Variants in GRAMD2A observed in about 807,000 individuals in gnomAD.
GRAMD2A encodes GRAM domain-containing protein 2A.
A neutral mutation model predicts 51.1 loss-of-function variants in GRAMD2A; 37 were observed. The observed-to-expected ratio is 0.72, with a 90% CI of 0.56 to 0.95. GRAMD2A has a LOEUF of 0.95. Among genes scored for constraint, GRAMD2A ranks in the 40% least tolerant of loss-of-function variants. The pLI is 0.00. For missense variants in GRAMD2A, 414 were observed against 426.9 expected, an observed-to-expected ratio of 0.97 and a Z score of 0.27; for synonymous variants, 136 against 157.1, an observed-to-expected ratio of 0.87 and a Z score of 1.01.
chr15:72,172,157 C>T (rs929974402), intron 1 of GRAMD2A, among the ~76,000 whole-genome samples: 6 of 151,794 alleles, frequency 4.0e-5, no homozygotes, highest in African/African-American at 1.2e-4. Context: ...TTCACTCTGT[C>T]GCCCAGGCTA....
At chr15:72,197,631 G>A (rs1213735158) in intron 1 of GRAMD2A, 100 bp downstream of exon 1, 8 of 996,538 alleles carry the variant, frequency 8.0e-6, no homozygotes, top group Non-Finnish European at 8.9e-6. Flanking sequence ...AACGCGCCGA[G>A]TTGCCGCGGC....
intron 1 of GRAMD2A, among the ~76,000 whole-genome samples, chr15:72,182,687 A>G (rs985886016): frequency 6.6e-6 from 1 of 152,194 alleles, no homozygotes; most frequent in Non-Finnish European, 1.5e-5. Flanking sequence ...GTGAAATAAG[A>G]CAGTCACAAA....
chr15:72,183,888 C>T lies in GRAMD2A; in HGVS notation c.41+13843G>A, dbSNP rs80028790. On this transcript the variant is annotated intron_variant, in intron 1 of 11. Coordinates refer to ENST00000309731, the MANE Select transcript of GRAMD2A (RefSeq NM_001012642.3). ...GGTGCAGTAGTGGGGTCTGCTCCTC[C>T]TCCTTTTCTCCTGGGCCGGTGACTG... Among the ~76,000 whole-genome samples, 302 of 152,312 alleles carry T rather than the reference C, an allele frequency of 2.0e-3. 3 individuals are homozygous for T. The East Asian group carries it at 0.027, about 14-fold the overall frequency.
intron 11 of GRAMD2A, 64 bp from the exon 12 acceptor site, chr15:72,162,076 A>C (rs1273106113): frequency 5.6e-6 from 9 of 1,598,572 alleles, no homozygotes. Flanking sequence ...CGTGGGCAGA[A>C]GGGCCAGTGA....
chr15:72,192,842 C>T (rs1008146240), intron 1 of GRAMD2A, among the ~76,000 whole-genome samples: 12 of 152,136 alleles, frequency 7.9e-5, no homozygotes, highest in Admixed American at 5.2e-4. Context: ...TTGGTTCAGT[C>T]GGCCAGGTGC....
intron 1 of GRAMD2A, among the ~76,000 whole-genome samples, chr15:72,181,136 AAT>A (rs1309308335): frequency 6.6e-6 from 1 of 152,228 alleles, no homozygotes; most frequent in Non-Finnish European, 1.5e-5. Flanking sequence ...GAGAAAGCTA[AAT>A]AGAGCCTTTG....
chr15:72,187,097 G>A (rs1027179508), intron 1 of GRAMD2A, among the ~76,000 whole-genome samples: 3 of 151,814 alleles, frequency 2.0e-5, no homozygotes, highest in Non-Finnish European at 4.4e-5. Context: ...AGAGGTAGAG[G>A]TAGAGTGAGC....
intron 10 of GRAMD2A, chr15:72,162,946 G>A (rs1365280102): frequency 6.4e-6 from 2 of 311,020 alleles, no homozygotes; most frequent in Admixed American, 4.5e-5. Context: ...GCGAGGCCAA[G>A]CTTTTCCTCT....
At chr15:72,181,786 T>C (rs1317733641) in intron 1 of GRAMD2A, among the ~76,000 whole-genome samples, 1 of 152,158 alleles carries the variant, frequency 6.6e-6, no homozygotes, top group African/African-American at 2.4e-5. Flanking sequence ...CTTGAACATG[T>C]GTGAGAGACA....
intron 1 of GRAMD2A, among the ~76,000 whole-genome samples, chr15:72,190,060 C>A (rs1216372018): frequency 6.6e-6 from 1 of 152,206 alleles, no homozygotes; most frequent in Non-Finnish European, 1.5e-5. Context: ...TCTGTCACTG[C>A]AGTCCTGACT....
chr15:72,195,501 G>T (rs2081798338), intron 1 of GRAMD2A, among the ~76,000 whole-genome samples: 2 of 152,308 alleles, frequency 1.3e-5, no homozygotes, highest in African/African-American at 4.8e-5. Flanking sequence ...CAAGAGGCCA[G>T]CTGGCAGCAA....
Position 72,162,314 on chromosome 15 carries a change from CT to C in GRAMD2A, c.1019del (p.Gln340ArgfsTer5). 6.2e-7 allele frequency: 1 copy of C among 1,614,138 alleles called. No individual in the cohort carries two copies. Among genetic ancestry groups the C allele is most frequent in the Non-Finnish European group, 8.5e-7 (1 of 1,179,980 alleles). On this transcript the variant is annotated frameshift_variant, in exon 11 of 12. Transcript: ENST00000309731. LOFTEE classifies it high-confidence loss of function. ...GGTCATCCCAACTCAAGGAGCATAA[CT>C]GCTGCTCTAGCCGAGAAATACGGAA... Reference protein sequence around the residue: ...LAFRISRLEQQLCSLSWDDPV... With the variant: ...LAFRISRLEQXLCSLSWDDPV...
At chr15:72,192,363 T>TC (rs774135160) in intron 1 of GRAMD2A, among the ~76,000 whole-genome samples, 6 of 152,224 alleles carry the variant, frequency 3.9e-5, no homozygotes, top group Non-Finnish European at 5.9e-5. Flanking sequence ...TGAAGTACTG[T>TC]CACTGGGTTA....
intron 1 of GRAMD2A, among the ~76,000 whole-genome samples, chr15:72,187,591 A>G (rs1359179296): frequency 6.6e-6 from 1 of 152,128 alleles, no homozygotes; most frequent in Non-Finnish European, 1.5e-5. Context: ...TAAACTCACT[A>G]CAACCTCTGC....
chr15:72,187,806 G>A (rs931100252), intron 1 of GRAMD2A, among the ~76,000 whole-genome samples: 5 of 152,154 alleles, frequency 3.3e-5, no homozygotes, highest in African/African-American at 1.2e-4. Flanking sequence ...GTGTGAGTGA[G>A]TCACTGTACC....
rs1241088470 is a variant in GRAMD2A at position 72,160,473 on chromosome 15, C to T, written c.*1536G>A. The T allele has an allele frequency of 6.6e-6, 1 of 152,124 alleles. No homozygotes were observed. Among genetic ancestry groups the T allele is most frequent in the Admixed American group, 6.5e-5 (1 of 15,274 alleles). 9.4% of individuals were successfully genotyped at this position (152,124 alleles called of 1,614,324 possible). On this transcript the variant is annotated 3_prime_UTR_variant, in exon 12 of 12. Transcript: ENST00000309731. ...TGGGATGGGGAGAGCATGAAGAGACCACTTACTGGTAGTCCCTCCAATTCT... is the reference window on the plus strand; with the variant it reads ...TGGGATGGGGAGAGCATGAAGAGACTACTTACTGGTAGTCCCTCCAATTCT...
chr15:72,185,495 G>C (rs1248766187), intron 1 of GRAMD2A, among the ~76,000 whole-genome samples: 1 of 152,202 alleles, frequency 6.6e-6, no homozygotes, highest in African/African-American at 2.4e-5. Context: ...TTCCTGGCCT[G>C]AGTCAAAGTT....
intron 1 of GRAMD2A, among the ~76,000 whole-genome samples, chr15:72,190,823 G>T (rs1478896326): frequency 6.6e-6 from 1 of 152,144 alleles, no homozygotes; most frequent in African/African-American, 2.4e-5. Flanking sequence ...ACCCCCAAAT[G>T]ATAGAAAATA....
intron 1 of GRAMD2A, among the ~76,000 whole-genome samples, chr15:72,193,815 C>CT (rs1452240230): frequency 6.6e-6 from 1 of 152,192 alleles, no homozygotes; most frequent in African/African-American, 2.4e-5. Context: ...TGTGAGCCAA[C>CT]GCGCCAGGCC....
Sources: gnomAD v4.1 joint callset for allele counts (sites outside exome capture counted in the v4.1 genomes callset) on GRCh38, gnomAD v4.1.1 for gene constraint, MANE v1.5 for transcripts, NCBI Gene and HGNC (gene_info 2026-07-23, HGNC 2026-07-21) for gene names.